The following PTPRF variants were observed in gnomAD, a reference collection of about 807,000 sequenced individuals.
The protein encoded by PTPRF is protein tyrosine phosphatase receptor type F, also known as receptor-type tyrosine-protein phosphatase F.
PTPRF carries 59 observed loss-of-function variants against 201.8 expected under a neutral mutation model. That is an observed-to-expected ratio of 0.29 (90% CI 0.24 to 0.36). PTPRF has a LOEUF of 0.36. PTPRF is among the 10% of genes least tolerant of loss of function. PTPRF has a pLI of 1.00. For synonymous variants in PTPRF, 1,088 were observed against 1,089.7 expected (o/e 1.00, Z 0.03); for missense variants, 2,132 against 2,690.5 (o/e 0.79, Z 4.59).
chr1:43,560,795 A>G (rs1645753346), intron 5 of PTPRF, among the ~76,000 whole-genome samples: 1 of 152,190 alleles, frequency 6.6e-6, no homozygotes, highest in Non-Finnish European at 1.5e-5. Flanking sequence ...GATCCTGCCC[A>G]GACCTGCCTG....
At chr1:43,524,170 C>G (rs746335433), upstream of PTPRF, among the ~76,000 whole-genome samples, 1 of 151,404 alleles carries the variant, frequency 6.6e-6, no homozygotes, top group Non-Finnish European at 1.5e-5. Context: ...GCTGTGAGTA[C>G]GCAAAGGCAT....
At chr1:43,598,570 C>A (rs1652958320) in intron 12 of PTPRF, 150 bp from the exon 13 acceptor site, 1 of 734,058 alleles carries the variant, frequency 1.4e-6, no homozygotes, top group Non-Finnish European at 2.2e-6. Flanking sequence ...CTTCCGTGTG[C>A]CTCACCAGGG....
At chr1:43,604,660 C>G (rs1425487029) in intron 16 of PTPRF, among the ~76,000 whole-genome samples, 2 of 152,214 alleles carry the variant, frequency 1.3e-5, no homozygotes, top group Non-Finnish European at 2.9e-5. Flanking sequence ...TCTGGAGATT[C>G]TGACCCTGGT....
chr1:43,545,192 A>C, intron 3 of PTPRF, 26 bp downstream of exon 3: 1 of 1,555,108 alleles, frequency 6.4e-7, no homozygotes, highest in Non-Finnish European at 8.7e-7. Context: ...CAAGGTACAG[A>C]TCTCCCAGGT....
chr1:43,589,522 T>G (rs1650059215), intron 8 of PTPRF, among the ~76,000 whole-genome samples: 1 of 151,974 alleles, frequency 6.6e-6, no homozygotes, highest in Admixed American at 6.6e-5. Flanking sequence ...CCCTGATACC[T>G]GGGGACAGGC....
At chr1:43,548,602 G>A (rs1015203893) in intron 3 of PTPRF, among the ~76,000 whole-genome samples, 2 of 152,154 alleles carry the variant, frequency 1.3e-5, no homozygotes, top group African/African-American at 4.8e-5. Flanking sequence ...AGGTCACATG[G>A]ATGAGGTGCC....
chr1:43,576,948 C>T (rs1044789832), intron 6 of PTPRF, among the ~76,000 whole-genome samples: 1 of 152,206 alleles, frequency 6.6e-6, no homozygotes, highest in African/African-American at 2.4e-5. Flanking sequence ...CCCCCCAATC[C>T]CCCTGCCCAT....
chr1:43,556,355 G>T (rs1018307821), intron 5 of PTPRF, among the ~76,000 whole-genome samples: 1 of 151,550 alleles, frequency 6.6e-6, no homozygotes, highest in Non-Finnish European at 1.5e-5. Context: ...TCCACCTCCC[G>T]AGTTCAAGTG....
rs530372909 is a variant in PTPRF at position 43,537,401 on chromosome 1, C to G, written c.-125-797C>G. On this transcript the variant is annotated intron_variant, in intron 1 of 33. Coordinates refer to ENST00000359947, the MANE Select transcript of PTPRF (RefSeq NM_002840.5). This position sits in a 1 kb window ranked among gnomAD's most constrained non-coding sequence, Gnocchi z 4.8. ...ACTGGCATGTATGTTGGGGTGTGTT[C>G]TTCCAGGCTGGGCTGTTTTCTTTGA... Among the ~76,000 whole-genome samples the G allele has an allele frequency of 1.3e-5, 2 of 152,338 alleles. No individual in the cohort carries two copies. The highest frequency in any genetic ancestry group is 2.4e-5 in the African/African-American group (1 of 41,584).
At chr1:43,564,194 G>C (rs190124137) in intron 5 of PTPRF, among the ~76,000 whole-genome samples, 1 of 152,324 alleles carries the variant, frequency 6.6e-6, no homozygotes, top group East Asian at 1.9e-4. Flanking sequence ...TTACTGCCTG[G>C]AAGCCTGGGG....
chr1:43,547,596 G>A (rs949110912), intron 3 of PTPRF, among the ~76,000 whole-genome samples: 2 of 152,272 alleles, frequency 1.3e-5, no homozygotes, highest in Non-Finnish European at 2.9e-5. Context: ...CAGGGCCACT[G>A]CAGAAGATAG....
upstream of PTPRF, among the ~76,000 whole-genome samples, chr1:43,522,513 T>C (rs1251999574): frequency 6.6e-6 from 1 of 152,114 alleles, no homozygotes; most frequent in Admixed American, 6.5e-5. Context: ...ATATAGCTAT[T>C]GAGTGAATGA....
At chr1:43,558,535 G>C (rs1440425906) in intron 5 of PTPRF, among the ~76,000 whole-genome samples, 1 of 152,198 alleles carries the variant, frequency 6.6e-6, no homozygotes, top group Non-Finnish European at 1.5e-5. Flanking sequence ...GGGTGAGCCT[G>C]TCCTGGCTGT....
rs77262103 is a variant in PTPRF, at chr1:43,605,741, T to C, written c.3483+119T>C. ...TCACTCCCCAAATTGAAATCTCTCT[T>C]CTGGCTGGCAGCCCGCCCCTCTCTG... On this transcript the variant is annotated intron_variant, in intron 19 of 33. Transcript: ENST00000359947. The C allele has an allele frequency of 1.2e-3, 1,189 of 998,790 alleles. 14 individuals carry two copies. In the African/African-American group the frequency reaches 0.017, roughly 14 times the overall value. The allele number at this position is 998,790 out of a possible 1,614,324, so 61.9% of individuals were successfully genotyped here.
At position 43,593,979 on chromosome 1, in the gene PTPRF, C is replaced by T. The variant is rs144527814; in HGVS notation, c.1813+1378C>T. Among the ~76,000 whole-genome samples, 94 of 151,942 alleles carry T rather than the reference C, an allele frequency of 6.2e-4. No individual in the cohort carries two copies. In the East Asian group the frequency reaches 0.018, roughly 28 times the overall value. ...GCAGCCTGGGTGACGAGCAAAACTC[C>T]GTCTTGAAAAATAAATAAAATAAAA... On this transcript the variant is annotated intron_variant, in intron 11 of 33. Transcript: ENST00000359947.
intron 6 of PTPRF, among the ~76,000 whole-genome samples, chr1:43,578,437 T>G (rs1191013092): frequency 1.3e-5 from 2 of 152,174 alleles, no homozygotes; most frequent in African/African-American, 2.4e-5. Flanking sequence ...TCTGACTGGC[T>G]TAGTGGGGCT....
chr1:43,568,426 A>G (rs1260463677), intron 5 of PTPRF, among the ~76,000 whole-genome samples: 8 of 152,180 alleles, frequency 5.3e-5, no homozygotes, highest in Non-Finnish European at 7.3e-5. Context: ...CTCAGCCCTT[A>G]CTAGTTACAC....
At chr1:43,568,759 C>A (rs1646361366) in intron 5 of PTPRF, among the ~76,000 whole-genome samples, 1 of 152,166 alleles carries the variant, frequency 6.6e-6, no homozygotes, top group South Asian at 2.1e-4. Flanking sequence ...TTGCTGCTGA[C>A]ATCTGTTCCT....
At chr1:43,556,151 A>G (rs1039504544) in intron 5 of PTPRF, among the ~76,000 whole-genome samples, 4 of 152,270 alleles carry the variant, frequency 2.6e-5, no homozygotes, top group African/African-American at 9.6e-5. Flanking sequence ...TTACAAGAAC[A>G]GCTGCACATG....
Sources: gnomAD v4.1 joint callset for allele counts (sites outside exome capture counted in the v4.1 genomes callset) on GRCh38, gnomAD v4.1.1 for gene constraint, Gnocchi (gnomAD v3.1) non-coding constraint, MANE v1.5 for transcripts, NCBI Gene and HGNC (gene_info 2026-07-23, HGNC 2026-07-21) for gene names.